The following TUSC3 variants were observed in gnomAD, a reference collection of about 807,000 sequenced individuals.
The protein encoded by TUSC3 is dolichyl-diphosphooligosaccharide--protein glycosyltransferase subunit TUSC3.
In TUSC3, 45 loss-of-function variants were observed where a neutral mutation model predicts 44.8. The ratio of observed to expected loss-of-function variants is 1.00; its 90% CI spans 0.79 to 1.29. The LOEUF (loss-of-function observed/expected upper bound fraction) is 1.29. Ranked by LOEUF, TUSC3 falls within the 50% of genes most tolerant of loss-of-function variation. TUSC3 has a pLI of 0.00. For synonymous variants in TUSC3, 212 were observed against 152.9 expected (o/e 1.39, Z -2.85); for missense variants, 519 against 437.9 (o/e 1.19, Z -1.65).
intron 1 of TUSC3, among the ~76,000 whole-genome samples, chr8:15,590,077 C>G (rs1220594528): frequency 6.6e-6 from 1 of 152,140 alleles, no homozygotes; most frequent in Non-Finnish European, 1.5e-5. Flanking sequence ...TTAAAAGCAT[C>G]TGACTTAGTA....
At chr8:15,737,617 G>A (rs767714673) in intron 7 of TUSC3, among the ~76,000 whole-genome samples, 1 of 152,146 alleles carries the variant, frequency 6.6e-6, no homozygotes, top group African/African-American at 2.4e-5. Context: ...TGTGTGTATA[G>A]GATAAAGGGT....
At chr8:15,775,423 T>C in the TUSC3 span, among the ~76,000 whole-genome samples, 5 of 152,064 alleles carry the variant, frequency 3.3e-5, no homozygotes, top group Non-Finnish European at 1.5e-5. Context: ...TACTCAATTA[T>C]ACGTATTAAG....
At chr8:15,605,015 A>G (rs1157849136) in intron 1 of TUSC3, among the ~76,000 whole-genome samples, 1 of 151,850 alleles carries the variant, frequency 6.6e-6, no homozygotes, top group African/African-American at 2.4e-5. Context: ...AGAAGTTCTG[A>G]TACTCCAGGC....
chr8:15,682,876 T>A (rs941242938), intron 6 of TUSC3, among the ~76,000 whole-genome samples: 3 of 152,084 alleles, frequency 2.0e-5, no homozygotes, highest in African/African-American at 7.2e-5. Context: ...AGTGATTGAT[T>A]CTCTGGGAAA....
At chr8:15,444,508 G>C (rs1361498300) in intron 1 of TUSC3, among the ~76,000 whole-genome samples, 1 of 152,176 alleles carries the variant, frequency 6.6e-6, no homozygotes, top group African/African-American at 2.4e-5. Context: ...AGGGTAATGA[G>C]ACATTACCTG....
Position 15,423,338 on chromosome 8 carries a change from G to C in TUSC3, n.91+6033G>C, listed in dbSNP as rs189784436. Among the ~76,000 whole-genome samples, 83 of 152,208 alleles carry C rather than the reference G, an allele frequency of 5.5e-4. 2 individuals are homozygous for C. Among genetic ancestry groups the C allele is most frequent in the Admixed American group, 4.3e-3 (66 of 15,286 alleles). ...GGATTTGGTTTGATCAATTTAAAGT[G>C]AGTTGGACTATGTACCCTCATTCTG... On this transcript the variant is annotated intron_variant and non_coding_transcript_variant, in intron 1 of 5. Transcript: ENST00000503191.
At chr8:15,505,347 T>C (rs891967550) in intron 2 of TUSC3, among the ~76,000 whole-genome samples, 1 of 152,254 alleles carries the variant, frequency 6.6e-6, no homozygotes, top group African/African-American at 2.4e-5. Context: ...TCATGTGTTA[T>C]AATGGCATTG....
At chr8:15,774,903 G>GA in the TUSC3 span, among the ~76,000 whole-genome samples, 2 of 152,002 alleles carry the variant, frequency 1.3e-5, no homozygotes, top group African/African-American at 4.8e-5. Context: ...GGCCACTTTG[G>GA]AAACAAATTA....
At chr8:15,550,881 A>T (rs1283283336) in intron 1 of TUSC3, among the ~76,000 whole-genome samples, 1 of 151,690 alleles carries the variant, frequency 6.6e-6, no homozygotes, top group Non-Finnish European at 1.5e-5. Flanking sequence ...CATGTTCGCC[A>T]TGCTGGCCTT....
Position 15,426,891 on chromosome 8 carries a change from A to G in TUSC3, n.91+9586A>G, listed in dbSNP as rs1799810162. ...TTCCACATTTTCTACATCCTTTCAA[A>G]TACACTATTAGCCATCCTAACAGGT... On this transcript the variant is annotated intron_variant and non_coding_transcript_variant, in intron 1 of 5. Coordinates refer to the TUSC3 transcript ENST00000503191. Among the ~76,000 whole-genome samples, 3 of 152,304 alleles carry G rather than the reference A, an allele frequency of 2.0e-5. No individual in the cohort carries two copies. The East Asian group carries it at 5.8e-4, about 29-fold the overall frequency.
At chr8:15,835,036 C>T in the TUSC3 span, among the ~76,000 whole-genome samples, 1 of 152,148 alleles carries the variant, frequency 6.6e-6, no homozygotes, top group Non-Finnish European at 1.5e-5. Flanking sequence ...CTTTATGTCT[C>T]ATTTACAACA....
At chr8:15,807,065 C>A in the TUSC3 span, 1 of 1,403,552 alleles carries the variant, frequency 7.1e-7, no homozygotes, top group Non-Finnish European at 1.0e-6. Flanking sequence ...CTAACAAATG[C>A]TCACAGCAGT....
chr8:15,749,033 A>T (rs1419468660), intron 9 of TUSC3, among the ~76,000 whole-genome samples: 1 of 152,174 alleles, frequency 6.6e-6, no homozygotes, highest in East Asian at 1.9e-4. Context: ...AAAGCACACT[A>T]CAGAAGAGGT....
chr8:15,611,858 A>G (rs181340811), intron 1 of TUSC3, among the ~76,000 whole-genome samples: 3 of 152,306 alleles, frequency 2.0e-5, no homozygotes, highest in Non-Finnish European at 4.4e-5. Flanking sequence ...AGAAATATGA[A>G]TACAGATTTT....
chr8:15,447,880 G>A (rs532129528), intron 1 of TUSC3, among the ~76,000 whole-genome samples: 8 of 151,036 alleles, frequency 5.3e-5, no homozygotes, highest in Admixed American at 2.0e-4. Flanking sequence ...ATATCACAAC[G>A]TATTGTCAAA....
At chr8:15,595,204 T>C (rs1804014195) in intron 1 of TUSC3, among the ~76,000 whole-genome samples, 1 of 152,210 alleles carries the variant, frequency 6.6e-6, no homozygotes, top group Non-Finnish European at 1.5e-5. Context: ...CATTATACTT[T>C]CAGATAGATA....
the TUSC3 span, among the ~76,000 whole-genome samples, chr8:15,778,074 C>A: frequency 6.7e-6 from 1 of 148,158 alleles, no homozygotes; most frequent in Non-Finnish European, 1.5e-5. Context: ...TGAGTGACAT[C>A]AGACTCAGAG....
the TUSC3 span, among the ~76,000 whole-genome samples, chr8:15,792,448 T>G: frequency 2.0e-5 from 3 of 152,322 alleles, no homozygotes; most frequent in Admixed American, 2.0e-4. Context: ...ACTTCTCACC[T>G]ATACTGACAG....
the TUSC3 span, among the ~76,000 whole-genome samples, chr8:15,776,733 T>C: frequency 3.1e-3 from 474 of 152,298 alleles, 4 homozygotes; most frequent in Middle Eastern, 0.024. Context: ...TTATTACCAA[T>C]TGTGCTATAT....
Sources: gnomAD v4.1 joint callset for allele counts (sites outside exome capture counted in the v4.1 genomes callset) on GRCh38, gnomAD v4.1.1 for gene constraint, MANE v1.5 for transcripts, NCBI Gene and HGNC (gene_info 2026-07-23, HGNC 2026-07-21) for gene names.